The following VARS1 variants were observed in gnomAD, a reference collection of about 807,000 sequenced individuals.
VARS1 encodes valine--tRNA ligase.
VARS1 carries 92 observed loss-of-function variants against 161.0 expected under a neutral mutation model. The ratio of observed to expected loss-of-function variants is 0.57; its 90% CI spans 0.48 to 0.68. VARS1 has a LOEUF of 0.68. Among genes scored for constraint, VARS1 ranks in the 30% least tolerant of loss-of-function variants. The pLI is 0.00. For synonymous variants in VARS1, 595 were observed against 682.5 expected, an observed-to-expected ratio of 0.87 and a Z score of 2.00; for missense variants, 1,338 against 1,695.9, an observed-to-expected ratio of 0.79 and a Z score of 3.71.
rs769688945 is a variant in VARS1 at position 31,780,766 on chromosome 6, C to T, written c.2736G>A (p.Ala912=). 2.4e-5 allele frequency: 38 copies of T among 1,614,208 alleles called. No individual in the cohort carries two copies. In the East Asian group the frequency reaches 4.9e-4, roughly 21 times the overall value. The change falls in exon 24 of 30, where the codon GCG becomes GCA. Residue 912 remains alanine, a synonymous_variant. Coordinates refer to ENST00000375663, the MANE Select transcript of VARS1 (RefSeq NM_006295.3). The surrounding 1 kb of genome is among the most constrained non-coding windows in gnomAD (Gnocchi z 5.1). ...CATCGGTGCCACATTCAGGAATCCC[C>T]GCTGGGAAGTCAGCTTTCTACAGGG... ...AKEGQKADFP[A]GIPECGTDAL...
intron 8 of VARS1, among the ~76,000 whole-genome samples, chr6:31,787,451 C>G (rs752751208): frequency 6.6e-6 from 1 of 151,836 alleles, no homozygotes; most frequent in Non-Finnish European, 1.5e-5. Flanking sequence ...TCAAGACCAG[C>G]TTGGCCAACA....
chr6:31,779,502 AGGGCG>A lies in VARS1; in HGVS notation c.3318_3322del (p.Ala1107Ter). 1 of 1,612,310 alleles carries A rather than the reference AGGGCG, an allele frequency of 6.2e-7. No homozygotes were observed. The highest frequency in any genetic ancestry group is 8.5e-7 in the Non-Finnish European group (1 of 1,179,876). Reference sequence around the variant, plus strand: ...TCGCGTGATGCTTAGCGCCAGCTCAAGGGCGGCTTCTGCCTCGGGGTCCTTCCAGG... The same window carrying A: ...TCGCGTGATGCTTAGCGCCAGCTCAAGCTTCTGCCTCGGGGTCCTTCCAGG... On this transcript the variant is annotated frameshift_variant, in exon 28 of 30. Transcript: ENST00000375663. LOFTEE classifies it high-confidence loss of function. This position sits in a 1 kb window ranked among gnomAD's most constrained non-coding sequence, Gnocchi z 9.1.
rs746986012 is a variant in VARS1 at position 31,780,676 on chromosome 6, G to A, written c.2797+29C>T. 2.5e-6 allele frequency: 4 copies of A among 1,614,104 alleles called. No homozygotes were observed. Among genetic ancestry groups the A allele is most frequent in the Non-Finnish European group, 3.4e-6 (4 of 1,179,986 alleles). Reference sequence around the variant, plus strand: ...GGGCCTCACAGAAGGAGGAAGGAGTGGCTGGGAGGGACGCTTTGGGGGCCA... The same window carrying A: ...GGGCCTCACAGAAGGAGGAAGGAGTAGCTGGGAGGGACGCTTTGGGGGCCA... On this transcript the variant is annotated intron_variant, in intron 24 of 29. Coordinates refer to ENST00000375663, the MANE Select transcript of VARS1 (RefSeq NM_006295.3). This position sits in a 1 kb window ranked among gnomAD's most constrained non-coding sequence, Gnocchi z 5.1.
chr6:31,784,793 G>A lies in VARS1; in HGVS notation c.1348-79C>T. 1 of 1,594,968 alleles carries A rather than the reference G, an allele frequency of 6.3e-7. No homozygotes were observed. Among genetic ancestry groups the A allele is most frequent in the Non-Finnish European group, 8.5e-7 (1 of 1,169,782 alleles). Reference sequence around the variant, plus strand: ...GGCAGACACCCAGGGCTCCAGTGAGGCCTTGCCCATACAGAGTCCCACTGG... The same window carrying A: ...GGCAGACACCCAGGGCTCCAGTGAGACCTTGCCCATACAGAGTCCCACTGG... On this transcript the variant is annotated intron_variant, in intron 10 of 29. Coordinates refer to ENST00000375663, the MANE Select transcript of VARS1 (RefSeq NM_006295.3). This position sits in a 1 kb window ranked among gnomAD's most constrained non-coding sequence, Gnocchi z 6.1.
chr6:31,784,219 A>G lies in VARS1; in HGVS notation c.1666T>C (p.Tyr556His). The G allele has an allele frequency of 6.2e-7, 1 of 1,614,158 alleles. No individual in the cohort carries two copies. Among genetic ancestry groups the G allele is most frequent in the South Asian group, 1.1e-5 (1 of 91,090 alleles). The change falls in exon 13 of 30, where the codon TAC (tyrosine) becomes CAC (histidine). Residue 556 changes from tyrosine to histidine, a missense_variant. Physicochemically the swap from Tyr to His is moderately conservative, Grantham distance 83 (BLOSUM62 2). Around this residue, in one of 3 missense-constraint regions of VARS1, gnomAD observed 902 missense variants for 1,090.3 expected, o/e 0.83. Coordinates refer to ENST00000375663, the MANE Select transcript of VARS1 (RefSeq NM_006295.3). The surrounding 1 kb of genome is among the most constrained non-coding windows in gnomAD (Gnocchi z 6.1). ...AVAVHPKDTR[Y>H]QHLKGKNVIH... Reference sequence around the variant, plus strand: ...AACTGTGGACAGTCCCCCACCTGGTATCTGGTATCTTTGGGGTGCACAGCT... The same window carrying G: ...AACTGTGGACAGTCCCCCACCTGGTGTCTGGTATCTTTGGGGTGCACAGCT...
At position 31,791,616 on chromosome 6, in the gene VARS1, G is replaced by T. The variant is rs1220909314; in HGVS notation, c.1094C>A (p.Thr365Asn). The change falls in exon 8 of 30, where the codon ACT becomes AAT. Residue 365 changes from threonine to asparagine, a missense_variant. Physicochemically the swap from Thr to Asn is moderately conservative, Grantham distance 65 (BLOSUM62 0). Transcript: ENST00000375663. The surrounding 1 kb of genome is among the most constrained non-coding windows in gnomAD (Gnocchi z 5.0). ...GGTGCAGATAGAAGCTCACCATCGAGTCAGGGAGTCCTGGATGGCGTTGGT... is the reference window on the plus strand; with the variant it reads ...GGTGCAGATAGAAGCTCACCATCGATTCAGGGAGTCCTGGATGGCGTTGGT... ...ALTNAIQDSL[T>N]RWHRMRGETT... The T allele has an allele frequency of 2.5e-6, 4 of 1,610,942 alleles. No homozygotes were observed. The East Asian group carries it at 8.9e-5, about 36-fold the overall frequency.
chr6:31,789,996 A>G (rs1247977770), intron 8 of VARS1, among the ~76,000 whole-genome samples: 1 of 152,004 alleles, frequency 6.6e-6, no homozygotes, highest in African/African-American at 2.4e-5. Flanking sequence ...GTGCCACTGC[A>G]CTCCAGCCTG....
chr6:31,791,713 G>T lies in VARS1; in HGVS notation c.997C>A (p.Pro333Thr). ...YGRPNVSAAN[P>T]RGVFMMCIPP... ...ATGCACATCATGAAGACACCTCGGGGATTTGCTGCTGACACATTAGGACGC... is the reference window on the plus strand; with the variant it reads ...ATGCACATCATGAAGACACCTCGGGTATTTGCTGCTGACACATTAGGACGC... Residue 333 changes from proline (P) to threonine (T), a missense_variant, in exon 8 of 30, where the codon CCC becomes ACC. Transcript: ENST00000375663. This position sits in a 1 kb window ranked among gnomAD's most constrained non-coding sequence, Gnocchi z 5.0. The T allele has an allele frequency of 1.9e-6, 3 of 1,613,050 alleles. No homozygotes were observed. Among genetic ancestry groups the T allele is most frequent in the South Asian group, 2.2e-5 (2 of 91,082 alleles).
chr6:31,788,154 C>CA (rs1033605428), intron 8 of VARS1, among the ~76,000 whole-genome samples: 22 of 151,566 alleles, frequency 1.5e-4, no homozygotes, highest in African/African-American at 5.1e-4. Flanking sequence ...ATTGAAAAAA[C>CA]AAAAACGCAA....
chr6:31,783,882 C>A (rs1183130642), intron 13 of VARS1, among the ~76,000 whole-genome samples: 2 of 152,084 alleles, frequency 1.3e-5, no homozygotes, highest in East Asian at 3.9e-4. Context: ...AGGCTAGTCT[C>A]GAACTCGTGA....
rs1021402436 is a variant in VARS1 at position 31,791,369 on chromosome 6, T to C, written c.1100+241A>G. Among the ~76,000 whole-genome samples the C allele has an allele frequency of 5.3e-5, 8 of 151,724 alleles. No individual in the cohort carries two copies. The highest frequency in any genetic ancestry group is 1.9e-4 in the African/African-American group (8 of 41,270). On this transcript the variant is annotated intron_variant, in intron 8 of 29. Transcript: ENST00000375663. The surrounding 1 kb of genome is among the most constrained non-coding windows in gnomAD (Gnocchi z 5.0). Reference sequence around the variant, plus strand: ...TTACAAAAAATTAAATTAAATTAAATTAAAATTAAATAAAGAAAGAAGGGA... The same window carrying C: ...TTACAAAAAATTAAATTAAATTAAACTAAAATTAAATAAAGAAAGAAGGGA...
chr6:31,793,142 G>A (rs1814008080), intron 2 of VARS1, 22 bp from the exon 3 acceptor site: 4 of 1,573,560 alleles, frequency 2.5e-6, no homozygotes, highest in South Asian at 1.2e-5. Context: ...GGGAAGAAGT[G>A]TGAGACAAGG....
At position 31,785,751 on chromosome 6, in the gene VARS1, G is replaced by A; in HGVS notation, c.1101-18C>T. On this transcript the variant is annotated intron_variant, in intron 8 of 29. Coordinates refer to ENST00000375663, the MANE Select transcript of VARS1 (RefSeq NM_006295.3). The surrounding 1 kb of genome is among the most constrained non-coding windows in gnomAD (Gnocchi z 6.1). ...TGCGGTGCCTGTTAGGGGGCATGGA[G>A]GACCAGAGGGTGAGCCAGGCCAGTG... 6.3e-7 allele frequency: 1 copy of A among 1,598,732 alleles called. No individual in the cohort carries two copies. Among genetic ancestry groups the A allele is most frequent in the South Asian group, 1.1e-5 (1 of 89,420 alleles).
chr6:31,789,021 C>T (rs899790319), intron 8 of VARS1, among the ~76,000 whole-genome samples: 2 of 151,670 alleles, frequency 1.3e-5, no homozygotes, highest in Non-Finnish European at 2.9e-5. Context: ...ATAATAAACC[C>T]TGGTTTCCAA....
chr6:31,792,897 TG>T lies in VARS1; in HGVS notation c.523-3del, dbSNP rs535331110. 6.0e-4 allele frequency: 969 copies of T among 1,614,162 alleles called. 4 individuals carry two copies. In the African/African-American group the frequency reaches 9.7e-3, roughly 16 times the overall value. On this transcript the variant is annotated splice_polypyrimidine_tract_variant and splice_region_variant and intron_variant, in intron 3 of 29. Transcript: ENST00000375663. ...CCGGCGGGCAGGTGGGTCTAGGACC[TG>T]GAACAGGAAATAAATGACTCTTCTC...
rs149706716 is a variant in VARS1 at position 31,782,032 on chromosome 6, TA to T, written c.2241+54del. On this transcript the variant is annotated intron_variant, in intron 18 of 29. Coordinates refer to ENST00000375663, the MANE Select transcript of VARS1 (RefSeq NM_006295.3). This position sits in a 1 kb window ranked among gnomAD's most constrained non-coding sequence, Gnocchi z 8.3. The stretch of plus-strand genomic sequence containing the variant: ...GCCCCTCCCCCCACCAAGGACCCAG[TA>T]AACCCACCACTCCAGCAGGGTGTCC... 36,477 of 1,612,364 alleles carry T rather than the reference TA, an allele frequency of 0.023. 572 individuals are homozygous for T. Among genetic ancestry groups the T allele is most frequent in the African/African-American group, 0.047 (3,491 of 74,986 alleles).
rs1247730867 is a variant in VARS1 at position 31,782,356 on chromosome 6, C to A, written c.2079G>T (p.Val693=). Residue 693 remains valine (V), a synonymous_variant, in exon 17 of 30, where the codon GTG becomes GTT. Transcript: ENST00000375663. The surrounding 1 kb of genome is among the most constrained non-coding windows in gnomAD (Gnocchi z 8.3). ...GEMAQAASAA[V]TRGDLRILPE... is the part of the protein sequence containing the mutation. ...GCAGGATGCGGAGGTCACCCCGAGTCACAGCGGCGCTGGCAGCCTGGGCCA... is the reference window on the plus strand; with the variant it reads ...GCAGGATGCGGAGGTCACCCCGAGTAACAGCGGCGCTGGCAGCCTGGGCCA... 6 of 1,612,716 alleles carry A rather than the reference C, an allele frequency of 3.7e-6. No homozygotes were observed. In the African/African-American group the frequency reaches 8.0e-5, roughly 22 times the overall value.
Position 31,784,654 on chromosome 6 carries a change from G to A in VARS1, c.1408C>T (p.Arg470Cys), listed in dbSNP as rs1194412721. The change falls in exon 11 of 30, where the codon CGC (arginine) becomes TGC (cysteine). Residue 470 changes from arginine to cysteine, a missense_variant. Physicochemically the swap from Arg to Cys is radical, Grantham distance 180. This residue lies in a region of VARS1 where 902 missense variants were observed against 1,090.3 expected (regional missense o/e 0.83). Transcript: ENST00000375663. The surrounding 1 kb of genome is among the most constrained non-coding windows in gnomAD (Gnocchi z 6.1). ...VRLHEEGIIY[R>C]STRLVNWSCT... ...GACCAGTTAACAAGGCGGGTACTGCGATAGATGATGCCTTCCTCGTGAAGC... is the reference window on the plus strand; with the variant it reads ...GACCAGTTAACAAGGCGGGTACTGCAATAGATGATGCCTTCCTCGTGAAGC... 2 of 1,613,088 alleles carry A rather than the reference G, an allele frequency of 1.2e-6. No homozygotes were observed. The highest frequency in any genetic ancestry group is 1.3e-5 in the African/African-American group (1 of 75,054).
Position 31,785,608 on chromosome 6 carries a change from C to A in VARS1, c.1226G>T (p.Arg409Leu), listed in dbSNP as rs755082499. 1.3e-5 allele frequency: 21 copies of A among 1,612,470 alleles called. No individual in the cohort carries two copies. The highest frequency in any genetic ancestry group is 3.3e-5 in the South Asian group (3 of 91,026). ...EQGLSRHQLGREAFLQEVWKW... is the reference protein window; with the variant it reads ...EQGLSRHQLGLEAFLQEVWKW... ...CCAGACTTCCTGTAGAAAGGCCTCGCGGCCCAGCTGGTGCCGGCTCAGTCC... is the reference window on the plus strand; with the variant it reads ...CCAGACTTCCTGTAGAAAGGCCTCGAGGCCCAGCTGGTGCCGGCTCAGTCC... The change falls in exon 9 of 30, where the codon CGC (arginine) becomes CTC (leucine). Residue 409 changes from arginine to leucine, a missense_variant. Coordinates refer to ENST00000375663, the MANE Select transcript of VARS1 (RefSeq NM_006295.3). This position sits in a 1 kb window ranked among gnomAD's most constrained non-coding sequence, Gnocchi z 6.1.
Sources: gnomAD v4.1 joint callset for allele counts (sites outside exome capture counted in the v4.1 genomes callset) on GRCh38, gnomAD v4.1.1 for gene constraint, gnomAD v4.1.1 regional missense constraint, Gnocchi (gnomAD v3.1) non-coding constraint, MANE v1.5 for transcripts, NCBI Gene and HGNC (gene_info 2026-07-23, HGNC 2026-07-21) for gene names.